The following CENPU variants were observed in gnomAD, a reference collection of about 807,000 sequenced individuals.
CENPU encodes the protein centromere protein U.
CENPU carries 46 observed loss-of-function variants against 56.7 expected under a neutral mutation model. That is an observed-to-expected ratio of 0.81 (90% CI 0.64 to 1.04). The LOEUF (loss-of-function observed/expected upper bound fraction) is 1.04, where lower values mean the gene tolerates loss of function less well. Ranked by LOEUF, CENPU falls within the 50% of genes least tolerant of loss-of-function variation. The probability of loss-of-function intolerance (pLI) is 0.00; values close to 1 mark genes in which losing one functional copy is unlikely to be tolerated. For synonymous variants in CENPU, 166 were observed against 163.0 expected (o/e 1.02, Z -0.14); for missense variants, 510 against 490.1 (o/e 1.04, Z -0.38).
At chr4:184,702,805 T>C (rs531269432) in intron 8 of CENPU, among the ~76,000 whole-genome samples, 1 of 152,172 alleles carries the variant, frequency 6.6e-6, no homozygotes, top group African/African-American at 2.4e-5. Context: ...CTCCCACTTA[T>C]AAGTAAGAAC....
intron 7 of CENPU, 66 bp from the exon 8 acceptor site, chr4:184,710,246 A>G (rs1012958030): frequency 1.0e-6 from 1 of 999,242 alleles, no homozygotes; most frequent in South Asian, 1.5e-5. Flanking sequence ...AGGGTTCTGA[A>G]AGCCTGACAC....
intron 12 of CENPU, among the ~76,000 whole-genome samples, chr4:184,696,950 A>G (rs1327143809): frequency 6.6e-6 from 1 of 150,692 alleles, no homozygotes; most frequent in East Asian, 1.9e-4. Flanking sequence ...GTGCGATCAC[A>G]GCTCAGTGCA....
At chr4:184,716,253 AAAAC>A (rs1471794767) in intron 6 of CENPU, 140 bp downstream of exon 6, 1 of 662,544 alleles carries the variant, frequency 1.5e-6, no homozygotes, top group Non-Finnish European at 2.6e-6. Flanking sequence ...TAGATTTTCT[AAAAC>A]AAACATCTTT....
rs1187727983 is a variant in CENPU, at chr4:184,716,517, T to C, written c.498A>G (p.Arg166=). ...CTGAAAGTTCTGAAGACGCTGTGGT[T>C]CGAATAACCTCATGACGTTGTGTAC... ...KISTQRHEVI[R]TTASSELSEK... Residue 166 remains arginine (R), a synonymous_variant, in exon 6 of 13, where the codon CGA becomes CGG. Coordinates refer to ENST00000281453, the MANE Select transcript of CENPU (RefSeq NM_024629.4). The C allele has an allele frequency of 1.9e-6, 3 of 1,614,104 alleles. No homozygotes were observed.
chr4:184,707,480 G>C (rs140092394), intron 8 of CENPU, among the ~76,000 whole-genome samples: 1 of 152,174 alleles, frequency 6.6e-6, no homozygotes, highest in Non-Finnish European at 1.5e-5. Context: ...ACTTTGGGCA[G>C]CTGTTTCCTC....
intron 7 of CENPU, among the ~76,000 whole-genome samples, chr4:184,712,109 G>T (rs902804491): frequency 8.4e-6 from 1 of 118,528 alleles, no homozygotes; most frequent in African/African-American, 3.4e-5. Context: ...AACAGAGCAA[G>T]ACTCAGTCTC....
intron 3 of CENPU, among the ~76,000 whole-genome samples, 189 bp from the exon 4 acceptor site, chr4:184,725,251 C>T (rs1285995186): frequency 6.6e-6 from 1 of 152,212 alleles, no homozygotes; most frequent in Non-Finnish European, 1.5e-5. Flanking sequence ...AACCCTATCA[C>T]CAATAAATAC....
chr4:184,722,542 C>T (rs897175574), intron 4 of CENPU, among the ~76,000 whole-genome samples: 5 of 151,560 alleles, frequency 3.3e-5, no homozygotes, highest in East Asian at 1.9e-4. Context: ...AAAGAAAACA[C>T]GAAGGGAGAT....
intron 4 of CENPU, among the ~76,000 whole-genome samples, chr4:184,718,613 C>T (rs770514310): frequency 2.6e-5 from 4 of 152,166 alleles, no homozygotes; most frequent in African/African-American, 9.7e-5. Context: ...ACCGCAGGAA[C>T]GCTGGTGAGA....
rs567368841 is a variant in CENPU at position 184,707,326 on chromosome 4, C to T, written c.797+2746G>A. 2.7e-5 allele frequency among the ~76,000 whole-genome samples: 4 copies of T among 145,920 alleles called. No homozygotes were observed. In the East Asian group the frequency reaches 5.9e-4, roughly 21 times the overall value. On this transcript the variant is annotated intron_variant, in intron 8 of 12. Coordinates refer to ENST00000281453, the MANE Select transcript of CENPU (RefSeq NM_024629.4). ...GCAGGAAACTGACTCCTGCCTCTTCCCATCACCGATCTCATCAATAGTGTG... is the reference window on the plus strand; with the variant it reads ...GCAGGAAACTGACTCCTGCCTCTTCTCATCACCGATCTCATCAATAGTGTG...
chr4:184,711,093 G>C lies in CENPU; in HGVS notation c.689-913C>G, dbSNP rs1178133039. Among the ~76,000 whole-genome samples the C allele has an allele frequency of 9.7e-3, 1,479 of 152,140 alleles. 31 individuals carry two copies. The highest frequency in any genetic ancestry group is 0.04 in the South Asian group (192 of 4,818). ...GCTGGTCTTGAACTCCTGGGCTCAA[G>C]CAATCTCTCACCTCAGCCTCCCAAA... is the stretch of plus-strand genomic sequence containing the variant. On this transcript the variant is annotated intron_variant, in intron 7 of 12. Transcript: ENST00000281453.
intron 4 of CENPU, 118 bp downstream of exon 4, chr4:184,724,839 C>T: frequency 1.6e-6 from 1 of 617,024 alleles, no homozygotes; most frequent in Non-Finnish European, 2.8e-6. Flanking sequence ...TGAGAAAAAG[C>T]ATAACAAGTT....
At chr4:184,731,979 A>C (rs186914173) in intron 1 of CENPU, among the ~76,000 whole-genome samples, 131 of 152,062 alleles carry the variant, frequency 8.6e-4, no homozygotes, top group African/African-American at 3.1e-3. Flanking sequence ...ATTATACTGC[A>C]TATTCATGGT....
chr4:184,696,729 A>T (rs1251726124), intron 12 of CENPU, among the ~76,000 whole-genome samples: 1 of 151,422 alleles, frequency 6.6e-6, no homozygotes, highest in Non-Finnish European at 1.5e-5. Context: ...GCATACAAAT[A>T]CAAATTTCTT....
Position 184,716,428 on chromosome 4 carries a change from T to C in CENPU, c.587A>G (p.Glu196Gly), listed in dbSNP as rs1475425457. Residue 196 changes from glutamate (E) to glycine (G), a missense_variant, in exon 6 of 13, where the codon GAA (glutamate) becomes GGA (glycine). By Grantham distance (98) the Glu-to-Gly change is moderately conservative. Coordinates refer to ENST00000281453, the MANE Select transcript of CENPU (RefSeq NM_024629.4). ...ACTTTCTATTGCCAAGTTCTCTTTT[T>C]CAACAGAGGGCTGGGCACTAAGGGG... is the stretch of plus-strand genomic sequence containing the variant. ...TGPLSAQPSVEKENLAIESQS... is the reference protein window; with the variant it reads ...TGPLSAQPSVGKENLAIESQS... 3 of 1,613,986 alleles carry C rather than the reference T, an allele frequency of 1.9e-6. No homozygotes were observed. Among genetic ancestry groups the C allele is most frequent in the Non-Finnish European group, 2.5e-6 (3 of 1,179,998 alleles).
Position 184,717,284 on chromosome 4 carries a change from A to G in CENPU, c.321-88T>C, listed in dbSNP as rs1761126225. On this transcript the variant is annotated intron_variant, in intron 4 of 12. Coordinates refer to ENST00000281453, the MANE Select transcript of CENPU (RefSeq NM_024629.4). Reference sequence around the variant, plus strand: ...TAACTTGCTCATTCAACATGAAAACAGACTCAATTTAATGAGGAAATATCC... The same window carrying G: ...TAACTTGCTCATTCAACATGAAAACGGACTCAATTTAATGAGGAAATATCC... 3.1e-6 allele frequency: 3 copies of G among 954,262 alleles called. No homozygotes were observed. In the East Asian group the frequency reaches 7.4e-5, roughly 24 times the overall value. 59.1% of individuals were successfully genotyped at this position (954,262 alleles called of 1,614,324 possible).
rs200073054 is a variant in CENPU at position 184,734,047 on chromosome 4, G to A, written c.16C>T (p.Arg6Trp). The A allele has an allele frequency of 3.4e-4, 529 of 1,570,630 alleles. 4 individuals carry two copies. Among genetic ancestry groups the A allele is most frequent in the Middle Eastern group, 3.3e-3 (19 of 5,812 alleles). ...GACCTGTGAGGCCGCGGCCGCCGCC[G>A]CCCCCGCGGGGCCATGGTGCCGCTC... MAPRG[R>W]RRPRPHRSEG... is the part of the protein sequence containing the mutation. Residue 6 changes from arginine (R) to tryptophan (W), a missense_variant, in exon 1 of 13, where the codon CGG becomes TGG. Transcript: ENST00000281453.
At chr4:184,710,610 T>C (rs1275450189) in intron 7 of CENPU, among the ~76,000 whole-genome samples, 1 of 152,138 alleles carries the variant, frequency 6.6e-6, no homozygotes, top group African/African-American at 2.4e-5. Context: ...TATACAGTAA[T>C]ATACCAGACA....
At chr4:184,717,248 C>T (rs1236969085) in intron 4 of CENPU, 52 bp from the exon 5 acceptor site, 1 of 1,310,816 alleles carries the variant, frequency 7.6e-7, no homozygotes, top group Non-Finnish European at 1.1e-6. Context: ...TTTATATTCA[C>T]ATGTCTTCTC....
Sources: gnomAD v4.1 joint callset for allele counts (sites outside exome capture counted in the v4.1 genomes callset) on GRCh38, gnomAD v4.1.1 for gene constraint, MANE v1.5 for transcripts, NCBI Gene and HGNC (gene_info 2026-07-23, HGNC 2026-07-21) for gene names.